PPFIA1: variants seen among roughly 807,000 people sequenced by gnomAD.
PPFIA1 encodes PPFI scaffold protein A1.
PPFIA1 carries 25 observed loss-of-function variants against 149.9 expected under a neutral mutation model. The ratio of observed to expected loss-of-function variants is 0.17; its 90% CI spans 0.12 to 0.23. PPFIA1 has a LOEUF of 0.23. PPFIA1 is among the 10% of genes least tolerant of loss of function. PPFIA1 has a pLI of 1.00. For missense variants in PPFIA1, 1,362 were observed against 1,506.5 expected (o/e 0.90, Z 1.59); for synonymous variants, 549 against 552.8 (o/e 0.99, Z 0.10).
intron 2 of PPFIA1, among the ~76,000 whole-genome samples, chr11:70,323,956 C>T (rs1193339765): frequency 6.6e-6 from 1 of 152,172 alleles, no homozygotes; most frequent in Admixed American, 6.5e-5. Context: ...CAATGAGACC[C>T]TGTCTCAGAA....
At chr11:70,333,316 G>A (rs745390576) in intron 9 of PPFIA1, among the ~76,000 whole-genome samples, 154 bp from the exon 10 acceptor site, 1 of 152,232 alleles carries the variant, frequency 6.6e-6, no homozygotes, top group Non-Finnish European at 1.5e-5. Flanking sequence ...GTGAAGCCCC[G>A]TAGGCTGTGT....
intron 16 of PPFIA1, among the ~76,000 whole-genome samples, chr11:70,350,342 CTG>C (rs10591164): frequency 0.21 from 31,957 of 152,040 alleles, 3,554 homozygotes; most frequent in South Asian, 0.26. Context: ...GTGTTCAAGA[CTG>C]TAAATCTCAT....
intron 2 of PPFIA1, among the ~76,000 whole-genome samples, chr11:70,292,870 CTGCCCCCTT>C (rs2051629305): frequency 6.6e-6 from 1 of 152,240 alleles, no homozygotes; most frequent in African/African-American, 2.4e-5. Flanking sequence ...TCAGACCCCT[CTGCCCCCTT>C]ATAGTATTAC....
chr11:70,366,587 C>T (rs891960090), intron 21 of PPFIA1, among the ~76,000 whole-genome samples: 3 of 152,170 alleles, frequency 2.0e-5, no homozygotes, highest in Non-Finnish European at 4.4e-5. Flanking sequence ...AAATGTCGTG[C>T]GACGCCACTG....
chr11:70,353,941 C>T lies in PPFIA1; in HGVS notation c.2164-360C>T, dbSNP rs1051651892. Among the ~76,000 whole-genome samples the T allele has an allele frequency of 1.1e-4, 16 of 152,144 alleles. 1 individual carries two copies. Among genetic ancestry groups the T allele is most frequent in the Non-Finnish European group, 5.9e-5 (4 of 68,022 alleles). ...AGTTAATGCTGTCTCACATTTGTAA[C>T]GATGTGGTTTATCGGTGTTGTTCAG... On this transcript the variant is annotated intron_variant, in intron 16 of 27. Coordinates refer to ENST00000253925, the MANE Select transcript of PPFIA1 (RefSeq NM_003626.5).
intron 2 of PPFIA1, among the ~76,000 whole-genome samples, chr11:70,279,577 ATT>A (rs34969846): frequency 5.5e-4 from 79 of 143,016 alleles, no homozygotes; most frequent in Non-Finnish European, 6.0e-4. Flanking sequence ...TACATTAGGC[ATT>A]TTTTTTTTTT....
intron 15 of PPFIA1, among the ~76,000 whole-genome samples, chr11:70,344,344 G>A (rs1344099585): frequency 2.0e-5 from 3 of 152,246 alleles, no homozygotes; most frequent in South Asian, 2.1e-4. Flanking sequence ...ATGACGGACT[G>A]AAGCCTGCCT....
intron 2 of PPFIA1, among the ~76,000 whole-genome samples, chr11:70,289,715 T>C (rs2051396471): frequency 6.6e-6 from 1 of 152,240 alleles, no homozygotes; most frequent in African/African-American, 2.4e-5. Context: ...ACTACAGGCA[T>C]GCGCCACCAC....
chr11:70,273,081 C>T (rs758541347), intron 2 of PPFIA1, among the ~76,000 whole-genome samples: 10 of 152,130 alleles, frequency 6.6e-5, no homozygotes, highest in Non-Finnish European at 1.2e-4. Context: ...AGTTTGAGAC[C>T]AGCCTGGCCA....
rs772831089 is a variant in PPFIA1, at chr11:70,332,034, G to A, written c.1152G>A (p.Lys384=). Residue 384 remains lysine, a synonymous_variant, in exon 9 of 28, where the codon AAG becomes AAA. Coordinates refer to ENST00000253925, the MANE Select transcript of PPFIA1 (RefSeq NM_003626.5). ...AEQKLQQTLR[K]AETLPEVEAE... ...AAAAGCTGCAACAGACACTGAGGAAGGCAGAGACGCTCCCGGAGGTGGAGG... is the reference window on the plus strand; with the variant it reads ...AAAAGCTGCAACAGACACTGAGGAAAGCAGAGACGCTCCCGGAGGTGGAGG... The A allele has an allele frequency of 1.1e-5, 18 of 1,613,288 alleles. 1 individual carries two copies. Among genetic ancestry groups the A allele is most frequent in the Non-Finnish European group, 1.4e-5 (17 of 1,179,692 alleles).
Position 70,333,497 on chromosome 11 carries a change from G to C in PPFIA1, c.1240G>C (p.Glu414Gln). The change falls in exon 10 of 28, where the codon GAA becomes CAA. Residue 414 changes from glutamate to glutamine, a missense_variant. Glu to Gln is a conservative substitution (Grantham distance 29). Around this residue, in one of 7 missense-constraint regions of PPFIA1, gnomAD observed 733 missense variants for 744.1 expected, o/e 0.99. Coordinates refer to ENST00000253925, the MANE Select transcript of PPFIA1 (RefSeq NM_003626.5). Reference sequence around the variant, plus strand: ...TGAAGAGAGACACGGCAACATTGAAGAAAGGTTACGACAGATGGAAGCACA... The same window carrying C: ...TGAAGAGAGACACGGCAACATTGAACAAAGGTTACGACAGATGGAAGCACA... ...KAEERHGNIEERLRQMEAQLE... is the reference protein window; with the variant it reads ...KAEERHGNIEQRLRQMEAQLE... 1 of 1,613,344 alleles carries C rather than the reference G, an allele frequency of 6.2e-7. No homozygotes were observed. Among genetic ancestry groups the C allele is most frequent in the Non-Finnish European group, 8.5e-7 (1 of 1,179,740 alleles).
chr11:70,330,266 C>A lies in PPFIA1; in HGVS notation c.1024C>A (p.Leu342Ile). 1 of 1,587,598 alleles carries A rather than the reference C, an allele frequency of 6.3e-7. No homozygotes were observed. The highest frequency in any genetic ancestry group is 1.9e-5 in the Admixed American group (1 of 52,332). The change falls in exon 8 of 28, where the codon CTC becomes ATC. Residue 342 changes from leucine (L) to isoleucine (I), a missense_variant. Physicochemically the swap from Leu to Ile is conservative, Grantham distance 5. This residue lies in a region of PPFIA1 where 733 missense variants were observed against 744.1 expected (regional missense o/e 0.99). Transcript: ENST00000253925. ...GCGTGAAGCCACATCTGTGCATGACCTCAATGATAAACTTGAAAATGAAAT... is the reference window on the plus strand; with the variant it reads ...GCGTGAAGCCACATCTGTGCATGACATCAATGATAAACTTGAAAATGAAAT... ...AQREATSVHD[L>I]NDKLENEIAN... is the part of the protein sequence containing the mutation.
intron 14 of PPFIA1, 48 bp from the exon 15 acceptor site, chr11:70,343,621 A>G: frequency 6.6e-7 from 1 of 1,514,800 alleles, no homozygotes; most frequent in Non-Finnish European, 9.1e-7. Flanking sequence ...TGTTTCTACA[A>G]CTAATGTTGT....
chr11:70,348,804 G>A (rs1292744188), intron 16 of PPFIA1, among the ~76,000 whole-genome samples: 2 of 152,140 alleles, frequency 1.3e-5, no homozygotes, highest in African/African-American at 2.4e-5. Context: ...CCAGGAGGTC[G>A]AGGCTACAGT....
At chr11:70,347,373 T>C (rs1028782187) in intron 15 of PPFIA1, among the ~76,000 whole-genome samples, 1 of 152,106 alleles carries the variant, frequency 6.6e-6, no homozygotes, top group Non-Finnish European at 1.5e-5. Context: ...CAATGGAAGG[T>C]TTACTTTTTG....
intron 11 of PPFIA1, among the ~76,000 whole-genome samples, chr11:70,336,766 C>T (rs139024736): frequency 1.3e-5 from 2 of 152,288 alleles, no homozygotes; most frequent in African/African-American, 4.8e-5. Flanking sequence ...GCTGGATTCC[C>T]GTTTGATAAA....
chr11:70,284,413 G>C (rs748743760), intron 2 of PPFIA1, among the ~76,000 whole-genome samples: 1 of 152,114 alleles, frequency 6.6e-6, no homozygotes, highest in Non-Finnish European at 1.5e-5. Flanking sequence ...ACCTTTAATT[G>C]TCAGCAAGGA....
At chr11:70,334,248 A>T (rs1422671678) in intron 10 of PPFIA1, 1 of 152,324 alleles carries the variant, frequency 6.6e-6, no homozygotes, top group Non-Finnish European at 1.5e-5. Flanking sequence ...CTCTTTAACA[A>T]GTAGGTGGAG....
intron 2 of PPFIA1, among the ~76,000 whole-genome samples, chr11:70,314,805 G>A (rs148515268): frequency 3.2e-3 from 486 of 152,186 alleles, no homozygotes; most frequent in Non-Finnish European, 4.8e-3. Context: ...GTATTAGTCC[G>A]TTCTCACACC....
Sources: gnomAD v4.1 joint callset for allele counts (sites outside exome capture counted in the v4.1 genomes callset) on GRCh38, gnomAD v4.1.1 for gene constraint, gnomAD v4.1.1 regional missense constraint, MANE v1.5 for transcripts, NCBI Gene and HGNC (gene_info 2026-07-23, HGNC 2026-07-21) for gene names.